Variants in ABCF1 observed in about 807,000 individuals in gnomAD.
The protein encoded by ABCF1 is ATP binding cassette subfamily F member 1.
In ABCF1, 73 loss-of-function variants were observed where a neutral mutation model predicts 126.3. The observed-to-expected ratio is 0.58, with a 90% CI of 0.48 to 0.70. The LOEUF (loss-of-function observed/expected upper bound fraction) is 0.70. Among genes scored for constraint, ABCF1 ranks in the 30% least tolerant of loss-of-function variants. The pLI is 0.00. For synonymous variants in ABCF1, 345 were observed against 396.4 expected (o/e 0.87, Z 1.54); for missense variants, 786 against 1,057.5 (o/e 0.74, Z 3.56).
chr6:30,590,542 C>T lies in ABCF1; in HGVS notation c.2379C>T (p.Ile793=), dbSNP rs778413822. The change falls in exon 25 of 25, where the codon ATC becomes ATT. Residue 793 remains isoleucine, a synonymous_variant. Coordinates refer to ENST00000326195, the MANE Select transcript of ABCF1 (RefSeq NM_001025091.2). ...EAINEYKGAV[I]VVSHDARLIT... ...TGCTATCTTTCTTCAAAGCTGTGAT[C>T]GTTGTCAGCCATGATGCCCGACTCA... 3 of 1,609,596 alleles carry T rather than the reference C, an allele frequency of 1.9e-6. No homozygotes were observed. Among genetic ancestry groups the T allele is most frequent in the Non-Finnish European group, 2.5e-6 (3 of 1,178,748 alleles).
rs144123993 is a variant in ABCF1 at position 30,579,128 on chromosome 6, G to A, written c.489+551G>A. Among the ~76,000 whole-genome samples the A allele has an allele frequency of 5.9e-4, 90 of 152,236 alleles. 1 individual carries two copies. The East Asian group carries it at 0.011, about 19-fold the overall frequency. ...GCTCTTCTACTTGTGACTCTTCTGCGTGTGCATCTTAGTCCATGTCCATTT... is the reference window on the plus strand; with the variant it reads ...GCTCTTCTACTTGTGACTCTTCTGCATGTGCATCTTAGTCCATGTCCATTT... On this transcript the variant is annotated intron_variant, in intron 6 of 24. Coordinates refer to ENST00000326195, the MANE Select transcript of ABCF1 (RefSeq NM_001025091.2).
chr6:30,580,593 C>A, intron 8 of ABCF1, 74 bp downstream of exon 8: 1 of 887,192 alleles, frequency 1.1e-6, no homozygotes, highest in Non-Finnish European at 1.6e-6. Flanking sequence ...GAGTTAGAAT[C>A]TGGGGATATA....
chr6:30,577,647 C>G (rs1349038461), intron 2 of ABCF1, among the ~76,000 whole-genome samples, 171 bp from the exon 3 acceptor site: 1 of 151,698 alleles, frequency 6.6e-6, no homozygotes, highest in African/African-American at 2.4e-5. Flanking sequence ...TAGCTTAAGC[C>G]CAGGAATTTG....
chr6:30,586,594 G>GGAGA lies in ABCF1; in HGVS notation c.1961-45_1961-42dup. 1 of 1,613,082 alleles carries GGAGA rather than the reference G, an allele frequency of 6.2e-7. No individual in the cohort carries two copies. The highest frequency in any genetic ancestry group is 8.5e-7 in the Non-Finnish European group (1 of 1,179,762). The stretch of plus-strand genomic sequence containing the variant: ...CAGGGATGTGTAGCAGGAGCCACAG[G>GGAGA]GAGAGTCTCTGGGGACCTCTTTGAC... On this transcript the variant is annotated intron_variant, in intron 19 of 24. Transcript: ENST00000326195. This position sits in a 1 kb window ranked among gnomAD's most constrained non-coding sequence, Gnocchi z 4.9.
At chr6:30,582,873 T>C (rs1170866195) in intron 9 of ABCF1, among the ~76,000 whole-genome samples, 193 bp from the exon 10 acceptor site, 1 of 152,108 alleles carries the variant, frequency 6.6e-6, no homozygotes, top group Non-Finnish European at 1.5e-5. Context: ...TTGTATTTTT[T>C]GTAGAGACAG....
rs1223647337 is a variant in ABCF1 at position 30,574,129 on chromosome 6, G to T, written c.73+2569G>T. Among the ~76,000 whole-genome samples, 2 of 151,126 alleles carry T rather than the reference G, an allele frequency of 1.3e-5. No individual in the cohort carries two copies. Among genetic ancestry groups the T allele is most frequent in the Admixed American group, 6.6e-5 (1 of 15,166 alleles). The stretch of plus-strand genomic sequence containing the variant: ...GGATAAGAGTGATTAAAGTACAAAA[G>T]ATTTTTTTGGTTTTGGTGGGTTTTT... On this transcript the variant is annotated intron_variant, in intron 1 of 24. Transcript: ENST00000326195. The surrounding 1 kb of genome is among the most constrained non-coding windows in gnomAD (Gnocchi z 4.3).
At position 30,577,810 on chromosome 6, in the gene ABCF1, C is replaced by A. The variant is rs183656372; in HGVS notation, c.121-8C>A. 3 of 1,613,472 alleles carry A rather than the reference C, an allele frequency of 1.9e-6. No homozygotes were observed. The highest frequency in any genetic ancestry group is 2.5e-6 in the Non-Finnish European group (3 of 1,179,858). On this transcript the variant is annotated splice_polypyrimidine_tract_variant and splice_region_variant and intron_variant, in intron 2 of 24. Coordinates refer to ENST00000326195, the MANE Select transcript of ABCF1 (RefSeq NM_001025091.2). ...ACATGTTTACCTGTAGCTTAACTCC[C>A]TTTATAGTTCTTTGAAGAGCTGGCA...
Position 30,583,207 on chromosome 6 carries a change from C to T in ABCF1, c.915+19C>T, listed in dbSNP as rs759717969. 1 of 1,590,832 alleles carries T rather than the reference C, an allele frequency of 6.3e-7. No individual in the cohort carries two copies. Among genetic ancestry groups the T allele is most frequent in the Non-Finnish European group, 8.6e-7 (1 of 1,163,134 alleles). ...CATCAAGGTAAGGTCTCAAGGGGCCCCTTCCAGTCCACTTACCTAGGGAAG... is the reference window on the plus strand; with the variant it reads ...CATCAAGGTAAGGTCTCAAGGGGCCTCTTCCAGTCCACTTACCTAGGGAAG... On this transcript the variant is annotated intron_variant, in intron 10 of 24. Transcript: ENST00000326195. The surrounding 1 kb of genome is among the most constrained non-coding windows in gnomAD (Gnocchi z 4.1).
In ABCF1 at chr6:30,574,857, C is replaced by T. The variant is rs1360428881; in HGVS notation, c.74-2552C>T. 6.6e-6 allele frequency among the ~76,000 whole-genome samples: 1 copy of T among 151,954 alleles called. No individual in the cohort carries two copies. Among genetic ancestry groups the T allele is most frequent in the East Asian group, 1.9e-4 (1 of 5,184 alleles). ...AACAGAAAGAAGCCAGTATCGAGAC[C>T]AGAGGTGTGGGTAGGGAAACAGAAA... is the stretch of plus-strand genomic sequence containing the variant. On this transcript the variant is annotated intron_variant, in intron 1 of 24. Transcript: ENST00000326195. The surrounding 1 kb of genome is among the most constrained non-coding windows in gnomAD (Gnocchi z 4.3).
At chr6:30,579,895 A>ATGTATGTGTGTAATG in intron 6 of ABCF1, 36 bp from the exon 7 acceptor site, 1 of 1,595,384 alleles carries the variant, frequency 6.3e-7, no homozygotes, top group East Asian at 2.2e-5. Flanking sequence ...AATAATTTGT[A>ATGTATGTGTGTAATG]TGTATGTGTG....
At chr6:30,588,390 C>G (rs1224431063) in intron 20 of ABCF1, among the ~76,000 whole-genome samples, 1 of 151,516 alleles carries the variant, frequency 6.6e-6, no homozygotes, top group Non-Finnish European at 1.5e-5. Flanking sequence ...GAGACAGAGT[C>G]TCACTCTGTC....
At position 30,574,190 on chromosome 6, in the gene ABCF1, G is replaced by T. The variant is rs1381047044; in HGVS notation, c.73+2630G>T. Among the ~76,000 whole-genome samples, 2 of 151,692 alleles carry T rather than the reference G, an allele frequency of 1.3e-5. No individual in the cohort carries two copies. Among genetic ancestry groups the T allele is most frequent in the Non-Finnish European group, 2.9e-5 (2 of 67,870 alleles). On this transcript the variant is annotated intron_variant, in intron 1 of 24. Transcript: ENST00000326195. This position sits in a 1 kb window ranked among gnomAD's most constrained non-coding sequence, Gnocchi z 4.3. ...ACGGAGCCTCACTCCAGGCTGGAGT[G>T]CAGTGGCGCGATCTCAGCTCACTGC...
chr6:30,577,523 G>A (rs1801567550), intron 2 of ABCF1, 68 bp downstream of exon 2: 2 of 1,569,692 alleles, frequency 1.3e-6, no homozygotes, highest in African/African-American at 2.7e-5. Flanking sequence ...ATAGCCATGT[G>A]AAGGAGGTGG....
intron 20 of ABCF1, among the ~76,000 whole-genome samples, chr6:30,587,276 C>T (rs1477564564): frequency 1.3e-5 from 2 of 148,164 alleles, no homozygotes; most frequent in Non-Finnish European, 3.0e-5. Flanking sequence ...ATTGGCCTGG[C>T]GTGGTGGCCC....
At chr6:30,580,770 C>T (rs1801777365) in intron 8 of ABCF1, among the ~76,000 whole-genome samples, 1 of 152,032 alleles carries the variant, frequency 6.6e-6, no homozygotes, top group Non-Finnish European at 1.5e-5. Context: ...ACCTCCTGGG[C>T]TCAACAGATT....
chr6:30,583,953 G>T lies in ABCF1; in HGVS notation c.1102+63G>T. The T allele has an allele frequency of 6.4e-7, 1 of 1,563,188 alleles. No individual in the cohort carries two copies. The highest frequency in any genetic ancestry group is 8.8e-7 in the Non-Finnish European group (1 of 1,137,922). On this transcript the variant is annotated intron_variant, in intron 12 of 24. Transcript: ENST00000326195. This position sits in a 1 kb window ranked among gnomAD's most constrained non-coding sequence, Gnocchi z 4.1. Reference sequence around the variant, plus strand: ...GGCAGTTGGGTAGAAAAGCCAGCCAGCCAAGAATAGAAGAAATTGTGGCTA... The same window carrying T: ...GGCAGTTGGGTAGAAAAGCCAGCCATCCAAGAATAGAAGAAATTGTGGCTA...
chr6:30,578,608 A>C (rs939032822), intron 6 of ABCF1, 31 bp downstream of exon 6: 17 of 1,585,092 alleles, frequency 1.1e-5, no homozygotes, highest in Non-Finnish European at 1.5e-5. Context: ...AGTCACTCTC[A>C]CTCCATTTAG....
rs536357943 is a variant in ABCF1 at position 30,579,848 on chromosome 6, A to G, written c.490-83A>G. On this transcript the variant is annotated intron_variant, in intron 6 of 24. Coordinates refer to ENST00000326195, the MANE Select transcript of ABCF1 (RefSeq NM_001025091.2). ...AGCATGTGTATGGTTAACACAGTAG[A>G]CTCTCTAGAAATGCTTATTACACAG... The G allele has an allele frequency of 4.8e-5, 65 of 1,365,948 alleles. 1 individual carries two copies. The South Asian group carries it at 8.3e-4, about 17-fold the overall frequency. 84.6% of individuals were successfully genotyped at this position (1,365,948 alleles called of 1,614,324 possible). A position where few individuals can be genotyped will look rare whatever the true frequency, so the allele number is the denominator to read the frequency against.
chr6:30,578,580 G>C lies in ABCF1; in HGVS notation c.489+3G>C. ...CGGAGAAGAATCGGATCAATAAGGT[G>C]ACAGTGGTGGCTCGATCAGTCACTC... is the stretch of plus-strand genomic sequence containing the variant. On this transcript the variant is annotated splice_donor_region_variant and intron_variant, in intron 6 of 24. Coordinates refer to ENST00000326195, the MANE Select transcript of ABCF1 (RefSeq NM_001025091.2). 6.2e-7 allele frequency: 1 copy of C among 1,612,824 alleles called. No individual in the cohort carries two copies. The highest frequency in any genetic ancestry group is 1.3e-5 in the African/African-American group (1 of 74,974).
Sources: gnomAD v4.1 joint callset for allele counts (sites outside exome capture counted in the v4.1 genomes callset) on GRCh38, gnomAD v4.1.1 for gene constraint, Gnocchi (gnomAD v3.1) non-coding constraint, MANE v1.5 for transcripts, NCBI Gene and HGNC (gene_info 2026-07-23, HGNC 2026-07-21) for gene names.